Variants in ZNF337 observed in about 807,000 individuals in gnomAD.
The protein encoded by ZNF337 is zinc finger protein 337.
Under a neutral mutation model 12.1 loss-of-function variants are expected in ZNF337, and 8 were observed. The observed-to-expected ratio is 0.66, with a 90% CI of 0.39 to 1.19. The LOEUF is 1.19. Ranked by LOEUF, ZNF337 falls within the 50% of genes most tolerant of loss-of-function variation. The pLI, the probability that ZNF337 is intolerant of heterozygous loss-of-function variation, is 0.01. For missense variants in ZNF337, 882 were observed against 896.6 expected, an observed-to-expected ratio of 0.98 and a Z score of 0.21; for synonymous variants, 336 against 320.0, an observed-to-expected ratio of 1.05 and a Z score of -0.53.
intron 3 of ZNF337, 28 bp downstream of exon 3, chr20:25,685,968 T>C: frequency 1.9e-6 from 3 of 1,597,074 alleles, no homozygotes; most frequent in South Asian, 1.1e-5. Context: ...ACAGGCCAAA[T>C]GTTAGGCTCG....
chr20:25,689,148 A>AAAG (rs1197884641), intron 1 of ZNF337, among the ~76,000 whole-genome samples: 1 of 150,582 alleles, frequency 6.6e-6, no homozygotes, highest in African/African-American at 2.4e-5. Flanking sequence ...AAAAAAAAAA[A>AAAG]AAAAAATTAG....
chr20:25,686,672 C>G, intron 1 of ZNF337: 1 of 556,916 alleles, frequency 1.8e-6, no homozygotes, highest in Non-Finnish European at 3.2e-6. Context: ...GCCCCAGGAG[C>G]TGGGTGACGT....
intron 1 of ZNF337, among the ~76,000 whole-genome samples, chr20:25,691,876 C>A (rs1230336258): frequency 6.6e-6 from 1 of 152,190 alleles, no homozygotes; most frequent in Non-Finnish European, 1.5e-5. Context: ...CCACGTCGCT[C>A]CTCACTGCCA....
intron 4 of ZNF337, among the ~76,000 whole-genome samples, chr20:25,685,305 C>A (rs1007546307): frequency 6.6e-6 from 1 of 152,042 alleles, no homozygotes; most frequent in Non-Finnish European, 1.5e-5. Flanking sequence ...CGGGCAGTCA[C>A]GAGGAAAGTC....
chr20:25,685,901 T>C lies in ZNF337; in HGVS notation c.154+95A>G, dbSNP rs79612570. 1.2e-3 allele frequency: 1,810 copies of C among 1,513,424 alleles called. 15 individuals carry two copies. In the African/African-American group the frequency reaches 0.02, roughly 17 times the overall value. 93.7% of individuals were successfully genotyped at this position (1,513,424 alleles called of 1,614,324 possible). ...CAAAGCCAGACCTTCCTCAGGGGAA[T>C]AGAGAAAACAACATTCTTGTCTCTG... On this transcript the variant is annotated intron_variant, in intron 3 of 4. Coordinates refer to ENST00000252979, the MANE Select transcript of ZNF337 (RefSeq NM_015655.4).
At chr20:25,678,460 C>G (rs1032874219) in intron 4 of ZNF337, among the ~76,000 whole-genome samples, 1 of 152,122 alleles carries the variant, frequency 6.6e-6, no homozygotes, top group African/African-American at 2.4e-5. Context: ...TACAGATTCA[C>G]TGCAATACCT....
chr20:25,695,699 G>A (rs1408128551), intron 1 of ZNF337, among the ~76,000 whole-genome samples: 4 of 152,070 alleles, frequency 2.6e-5, no homozygotes, highest in East Asian at 1.9e-4. Flanking sequence ...GGGACACCAC[G>A]CCCCGCTAAT....
Position 25,673,815 on chromosome 20 carries a change from C to G in ZNF337, c.*1217G>C, listed in dbSNP as rs145735689. 1 of 152,244 alleles carries G rather than the reference C, an allele frequency of 6.6e-6. No individual in the cohort carries two copies. The highest frequency in any genetic ancestry group is 1.5e-5 in the Non-Finnish European group (1 of 68,022). 9.4% of individuals were successfully genotyped at this position (152,244 alleles called of 1,614,324 possible). ...CAAGGTCCTTCTGCAGGTGGTAATG[C>G]AGATCGGCGATAATCAGTCTACTCT... On this transcript the variant is annotated 3_prime_UTR_variant, in exon 5 of 5. Transcript: ENST00000252979.
At position 25,696,771 on chromosome 20, in the gene ZNF337, G is replaced by A. The variant is rs570921227; in HGVS notation, c.-62C>T. On this transcript the variant is annotated 5_prime_UTR_variant, in exon 1 of 5. Transcript: ENST00000252979. The stretch of plus-strand genomic sequence containing the variant: ...GAGCGCAGCTCACCGGGGCGGCTGA[G>A]GGCGAACCGAGGCGGTGAGGTCACC... The A allele has an allele frequency of 2.5e-3, 2,494 of 985,554 alleles. 3 individuals are homozygous for A. The highest frequency in any genetic ancestry group is 2.8e-3 in the Non-Finnish European group (2,358 of 830,002). The allele number at this position is 985,554 out of a possible 1,614,324, so 61.1% of individuals were successfully genotyped here. A position where few individuals can be genotyped will look rare whatever the true frequency, so the allele number is the denominator to read the frequency against.
chr20:25,696,786 G>T lies in ZNF337; in HGVS notation c.-77C>A. On this transcript the variant is annotated 5_prime_UTR_variant, in exon 1 of 5. Transcript: ENST00000252979. The stretch of plus-strand genomic sequence containing the variant: ...GGGCGGCTGAGGGCGAACCGAGGCG[G>T]TGAGGTCACCGATGGTGGACCACGC... 3.0e-6 allele frequency: 3 copies of T among 985,550 alleles called. No homozygotes were observed. The highest frequency in any genetic ancestry group is 3.6e-6 in the Non-Finnish European group (3 of 829,992). 61.1% of individuals were successfully genotyped at this position (985,550 alleles called of 1,614,324 possible). A position where few individuals can be genotyped will look rare whatever the true frequency, so the allele number is the denominator to read the frequency against.
chr20:25,688,995 G>A lies in ZNF337; in HGVS notation c.-49-2529C>T, dbSNP rs574094798. Reference sequence around the variant, plus strand: ...ATACAAAAAAATACAAAAAATAGCCGGGAGTGGTGGCGGCGCCTGTAGTCC... The same window carrying A: ...ATACAAAAAAATACAAAAAATAGCCAGGAGTGGTGGCGGCGCCTGTAGTCC... On this transcript the variant is annotated intron_variant, in intron 1 of 4. Transcript: ENST00000252979. Among the ~76,000 whole-genome samples, 18 of 152,240 alleles carry A rather than the reference G, an allele frequency of 1.2e-4. No individual in the cohort carries two copies. The South Asian group carries it at 3.5e-3, about 30-fold the overall frequency.
intron 1 of ZNF337, among the ~76,000 whole-genome samples, chr20:25,696,210 C>T (rs374335706): frequency 1.3e-5 from 2 of 151,974 alleles, no homozygotes; most frequent in South Asian, 4.1e-4. Context: ...AAGCAGCGGC[C>T]CTTCCCCAAA....
rs769665553 is a variant in ZNF337 at position 25,676,005 on chromosome 20, CCT to C, written c.1281_1282del (p.Lys430ThrfsTer5). 81 of 1,613,616 alleles carry C rather than the reference CCT, an allele frequency of 5.0e-5. No individual in the cohort carries two copies. The highest frequency in any genetic ancestry group is 3.3e-4 in the East Asian group (15 of 44,866). On this transcript the variant is annotated frameshift_variant, in exon 5 of 5. Transcript: ENST00000252979. LOFTEE classifies it low-confidence loss of function (END_TRUNC). Reference sequence around the variant, plus strand: ...TTCTCTACAAACAAAAGGTTTCTCCCCTGAGTGTGTTCTCTGGTGGTAGACAA... The same window carrying C: ...TTCTCTACAAACAAAAGGTTTCTCCCGAGTGTGTTCTCTGGTGGTAGACAA...
At chr20:25,678,874 A>AAAGC (rs1396229157) in intron 4 of ZNF337, among the ~76,000 whole-genome samples, 15 of 152,178 alleles carry the variant, frequency 9.9e-5, no homozygotes, top group Non-Finnish European at 1.9e-4. Context: ...CCCAGGAGTT[A>AAAGC]GAGGCTGCAG....
At position 25,675,483 on chromosome 20, in the gene ZNF337, C is replaced by A. The variant is rs1352377703; in HGVS notation, c.1805G>T (p.Cys602Phe). ...GATAAATCCTTGCCCACATTCACTA[C>A]AGATGAAAGGCTTCTCCCCTGAGTG... The part of the protein sequence containing the change: ...KTHSGEKPFI[C>F]SECGQGFIWK... The change falls in exon 5 of 5, where the codon TGT becomes TTT. Residue 602 changes from cysteine to phenylalanine, a missense_variant. Coordinates refer to ENST00000252979, the MANE Select transcript of ZNF337 (RefSeq NM_015655.4). 6.2e-7 allele frequency: 1 copy of A among 1,614,180 alleles called. No individual in the cohort carries two copies. Among genetic ancestry groups the A allele is most frequent in the Non-Finnish European group, 8.5e-7 (1 of 1,180,032 alleles).
intron 1 of ZNF337, among the ~76,000 whole-genome samples, chr20:25,691,558 A>C (rs2065882389): frequency 6.6e-6 from 1 of 152,188 alleles, no homozygotes; most frequent in Non-Finnish European, 1.5e-5. Context: ...GAATAGTGGC[A>C]TCGTGCCTCT....
chr20:25,696,628 G>T (rs901109325), intron 1 of ZNF337, 131 bp downstream of exon 1: 2 of 596,830 alleles, frequency 3.4e-6, no homozygotes, highest in Non-Finnish European at 4.2e-6. Flanking sequence ...TCCCCAGAAC[G>T]CGGAGACGCC....
In ZNF337 at chr20:25,675,697, G is replaced by C. The variant is rs2065674124; in HGVS notation, c.1591C>G (p.Leu531Val). 1.2e-6 allele frequency: 2 copies of C among 1,613,902 alleles called. No individual in the cohort carries two copies. The highest frequency in any genetic ancestry group is 8.5e-7 in the Non-Finnish European group (1 of 1,179,970). The change falls in exon 5 of 5, where the codon CTC becomes GTC. Residue 531 changes from leucine (L) to valine (V), a missense_variant. Coordinates refer to ENST00000252979, the MANE Select transcript of ZNF337 (RefSeq NM_015655.4). ...GAGTGTGTCCTCTGATGTATGGTGAGATTTGGCTTCAAGGTAAAGCCTCGC... is the reference window on the plus strand; with the variant it reads ...GAGTGTGTCCTCTGATGTATGGTGACATTTGGCTTCAAGGTAAAGCCTCGC... ...CGRGFTLKPN[L>V]TIHQRTHSGE...
At chr20:25,677,346 A>G (rs1037180086) in intron 4 of ZNF337, 1 of 265,126 alleles carries the variant, frequency 3.8e-6, no homozygotes, top group Middle Eastern at 1.2e-3. Flanking sequence ...AGCAAAACCA[A>G]TGCAACAACA....
Sources: gnomAD v4.1 joint callset for allele counts (sites outside exome capture counted in the v4.1 genomes callset) on GRCh38, gnomAD v4.1.1 for gene constraint, MANE v1.5 for transcripts, NCBI Gene and HGNC (gene_info 2026-07-23, HGNC 2026-07-21) for gene names.